CYB5R2: variants seen among roughly 807,000 people sequenced by gnomAD.
The protein encoded by CYB5R2 is NADH-cytochrome b5 reductase 2.
CYB5R2 carries 35 observed loss-of-function variants against 29.8 expected under a neutral mutation model. The ratio of observed to expected loss-of-function variants is 1.17; its 90% CI spans 0.90 to 1.56. The LOEUF is 1.56. Ranked by LOEUF, CYB5R2 falls within the 40% of genes most tolerant of loss-of-function variation. CYB5R2 has a pLI of 0.00. For missense variants in CYB5R2, 419 were observed against 346.7 expected (o/e 1.21, Z -1.66); for synonymous variants, 169 against 130.6 (o/e 1.29, Z -2.01).
upstream of CYB5R2, chr11:7,673,745 G>C (rs1021223147): frequency 1.0e-6 from 1 of 985,346 alleles, no homozygotes; most frequent in Non-Finnish European, 1.2e-6. Flanking sequence ...ACACGTCGTC[G>C]AACTGGGGTT....
intron 4 of CYB5R2, 86 bp downstream of exon 4, chr11:7,669,539 T>C: frequency 2.4e-6 from 3 of 1,269,208 alleles, no homozygotes; most frequent in Non-Finnish European, 3.3e-6. Flanking sequence ...ATATGTGCCC[T>C]CAGAGAAAAA....
At chr11:7,672,550 C>T (rs756688143) in intron 2 of CYB5R2, 27 bp from the exon 3 acceptor site, 1 of 1,611,904 alleles carries the variant, frequency 6.2e-7, no homozygotes, top group Non-Finnish European at 8.5e-7. Context: ...TAGGCAGGTT[C>T]TGTCAGCTTT....
chr11:7,672,784 A>G lies in CYB5R2; in HGVS notation c.42T>C (p.Pro14=). The change falls in exon 2 of 9, where the codon CCT becomes CCC. Residue 14 remains proline (P), a synonymous_variant. Transcript: ENST00000299498. The part of the protein sequence containing the change: ...RRREPITLQD[P]EAKYPLPLIE... ...TCAAGGGCAGCGGGTACTTGGCTTC[A>G]GGGTCCTGTAAGGTGATTGGCTCTC... is the stretch of plus-strand genomic sequence containing the variant. The G allele has an allele frequency of 1.2e-6, 2 of 1,614,184 alleles. No individual in the cohort carries two copies. The highest frequency in any genetic ancestry group is 1.7e-6 in the Non-Finnish European group (2 of 1,180,020).
intron 7 of CYB5R2, chr11:7,667,215 T>G (rs1176774104): frequency 6.6e-6 from 1 of 151,946 alleles, no homozygotes; most frequent in Non-Finnish European, 1.5e-5. Context: ...TATTTAGAAC[T>G]GAAAACAGCC....
upstream of CYB5R2, chr11:7,673,514 C>G: frequency 1.0e-6 from 1 of 985,920 alleles, no homozygotes; most frequent in Non-Finnish European, 1.2e-6. Flanking sequence ...CTTCCGGAAT[C>G]CGAGCCGGCC....
At position 7,673,467 on chromosome 11, in the gene CYB5R2, G is replaced by T; in HGVS notation, c.-115C>A. On this transcript the variant is annotated 5_prime_UTR_variant, in exon 1 of 9. Transcript: ENST00000299498. ...TCCCAACTCAAGCCCGACAGGGAAAGTTGCCTCTCCTCCCGCCGGGTCACT... is the reference window on the plus strand; with the variant it reads ...TCCCAACTCAAGCCCGACAGGGAAATTTGCCTCTCCTCCCGCCGGGTCACT... The T allele has an allele frequency of 1.0e-6, 1 of 986,318 alleles. No individual in the cohort carries two copies. The highest frequency in any genetic ancestry group is 1.2e-6 in the Non-Finnish European group (1 of 830,636). 61.1% of individuals were successfully genotyped at this position (986,318 alleles called of 1,614,324 possible). A position where few individuals can be genotyped will look rare whatever the true frequency, so the allele number is the denominator to read the frequency against.
At chr11:7,666,582 C>T (rs762928448) in intron 7 of CYB5R2, 32 bp from the exon 8 acceptor site, 1 of 1,504,470 alleles carries the variant, frequency 6.6e-7, no homozygotes, top group South Asian at 1.1e-5. Context: ...AAAAGCCCCT[C>T]CAGGGCCATC....
chr11:7,672,247 G>A (rs747470246), intron 3 of CYB5R2: 7 of 561,080 alleles, frequency 1.2e-5, no homozygotes, highest in East Asian at 2.9e-5. Flanking sequence ...TACCACTCTC[G>A]TGTCAGCCCA....
At chr11:7,667,909 T>C in intron 6 of CYB5R2, 96 bp from the exon 7 acceptor site, 5 of 1,018,450 alleles carry the variant, frequency 4.9e-6, no homozygotes, top group Middle Eastern at 2.1e-4. Flanking sequence ...CCAGCCCAAG[T>C]TATCCTTTTC....
intron 8 of CYB5R2, 75 bp downstream of exon 8, chr11:7,666,376 G>T (rs979991116): frequency 1.3e-5 from 12 of 938,424 alleles, no homozygotes; most frequent in Non-Finnish European, 1.7e-5. Context: ...ACAAAACAAA[G>T]AGACAGAGAC....
rs1291030536 is a variant in CYB5R2, at chr11:7,672,086, T to C, written c.151+365A>G. ...CACTCTACTTTCACAACAACCCAAGTGAGGTAGACAGGCAGGCCTGGGAAA... is the reference window on the plus strand; with the variant it reads ...CACTCTACTTTCACAACAACCCAAGCGAGGTAGACAGGCAGGCCTGGGAAA... On this transcript the variant is annotated intron_variant, in intron 3 of 8. Transcript: ENST00000299498. The C allele has an allele frequency of 1.4e-5, 3 of 220,572 alleles. No individual in the cohort carries two copies. In the East Asian group the frequency reaches 2.8e-4, roughly 21 times the overall value. 13.7% of individuals were successfully genotyped at this position (220,572 alleles called of 1,614,324 possible).
chr11:7,669,057 C>T lies in CYB5R2; in HGVS notation c.388+148G>A, dbSNP rs549921306. 4.0e-6 allele frequency: 4 copies of T among 998,026 alleles called. No homozygotes were observed. In the East Asian group the frequency reaches 7.3e-5, roughly 18 times the overall value. The allele number at this position is 998,026 out of a possible 1,614,324, so 61.8% of individuals were successfully genotyped here. Reference sequence around the variant, plus strand: ...ATGAAGTGGGTGTGTGAATGTGTAACAAGTGTGATCATTATGCATTGTGTG... The same window carrying T: ...ATGAAGTGGGTGTGTGAATGTGTAATAAGTGTGATCATTATGCATTGTGTG... On this transcript the variant is annotated intron_variant, in intron 5 of 8. Coordinates refer to ENST00000299498, the MANE Select transcript of CYB5R2 (RefSeq NM_016229.5).
At chr11:7,669,130 A>C (rs894103755) in intron 5 of CYB5R2, 75 bp downstream of exon 5, 1 of 1,563,870 alleles carries the variant, frequency 6.4e-7, no homozygotes, top group Admixed American at 1.7e-5. Context: ...AAATCTGAGG[A>C]GTGTACGAGA....
Position 7,669,723 on chromosome 11 carries a change from C to A in CYB5R2, c.160G>T (p.Val54Phe), listed in dbSNP as rs1855609171. 1.9e-6 allele frequency: 3 copies of A among 1,613,216 alleles called. No individual in the cohort carries two copies. The highest frequency in any genetic ancestry group is 2.5e-6 in the Non-Finnish European group (3 of 1,179,116). ...TTATCGATTTTTGCCAAGAGCTGGA[C>A]ATAGTTACCTATAGAAAAGGCATCA... Reference protein sequence around the residue: ...HVLGLPVGNYVQLLAKIDNEL... With the variant: ...HVLGLPVGNYFQLLAKIDNEL... Residue 54 changes from valine to phenylalanine, a missense_variant, in exon 4 of 9, where the codon GTC (valine) becomes TTC (phenylalanine). Transcript: ENST00000299498.
rs770631424 is a variant in CYB5R2 at position 7,665,390 on chromosome 11, A to G, written c.815T>C (p.Met272Thr). 12 of 1,578,744 alleles carry G rather than the reference A, an allele frequency of 7.6e-6. No homozygotes were observed. Among genetic ancestry groups the G allele is most frequent in the Non-Finnish European group, 9.4e-6 (11 of 1,164,820 alleles). The change falls in exon 9 of 9, where the codon ATG (methionine) becomes ACG (threonine). Residue 272 changes from methionine (M) to threonine (T), a missense_variant. Met to Thr is a moderately conservative substitution (Grantham distance 81). Transcript: ENST00000299498. ...NLEKLGYTQD[M>T]IFTY ...GTGGAGGTGTTAGTAGGTGAAAATC[A>G]TGTCCTGGGTATAACCCAGCTTCTC...
chr11:7,666,028 G>A, intron 8 of CYB5R2: 1 of 925,746 alleles, frequency 1.1e-6, no homozygotes, highest in Non-Finnish European at 1.7e-6. Context: ...ATGCTGTCTG[G>A]GCTGCAGCAG....
Position 7,668,529 on chromosome 11 carries a change from C to T in CYB5R2, c.421G>A (p.Glu141Lys). The T allele has an allele frequency of 1.2e-6, 2 of 1,614,050 alleles. No individual in the cohort carries two copies. The highest frequency in any genetic ancestry group is 2.2e-5 in the East Asian group (1 of 44,872). The change falls in exon 6 of 9, where the codon GAG becomes AAG. Residue 141 changes from glutamate (E) to lysine (K), a missense_variant. Transcript: ENST00000299498. Reference sequence around the variant, plus strand: ...TGATCGGCCAGTGTTTTTTTAGGCTCACTCGTCTGGTCTGGTCTGATTCCA... The same window carrying T: ...TGATCGGCCAGTGTTTTTTTAGGCTTACTCGTCTGGTCTGGTCTGATTCCA... The part of the protein sequence containing the change: ...NLGIRPDQTS[E>K]PKKTLADHLG...
upstream of CYB5R2, chr11:7,674,175 G>A (rs993870536): frequency 1.6e-6 from 2 of 1,242,776 alleles, no homozygotes; most frequent in Non-Finnish European, 1.0e-6. Context: ...GCTGGGGAAG[G>A]AAGAATTCAG....
intron 7 of CYB5R2, 86 bp downstream of exon 7, chr11:7,667,642 A>AG: frequency 2.4e-6 from 3 of 1,245,470 alleles, no homozygotes; most frequent in South Asian, 2.4e-5. Flanking sequence ...AAGCAGCATG[A>AG]GCTCAGTCAA....
Sources: gnomAD v4.1 joint callset for allele counts on GRCh38, gnomAD v4.1.1 for gene constraint, MANE v1.5 for transcripts, NCBI Gene and HGNC (gene_info 2026-07-23, HGNC 2026-07-21) for gene names.